SLC35F4: variants seen among roughly 807,000 people sequenced by gnomAD.
SLC35F4 encodes the protein solute carrier family 35 member F4.
SLC35F4 carries 24 observed loss-of-function variants against 44.2 expected under a neutral mutation model. The ratio of observed to expected loss-of-function variants is 0.54; its 90% CI spans 0.39 to 0.76. SLC35F4 has a LOEUF of 0.76. Among genes scored for constraint, SLC35F4 ranks in the 30% least tolerant of loss-of-function variants. The probability of loss-of-function intolerance (pLI) is 0.00; values close to 1 mark genes in which losing one functional copy is unlikely to be tolerated. For synonymous variants in SLC35F4, 238 were observed against 223.6 expected, an observed-to-expected ratio of 1.06 and a Z score of -0.57; for missense variants, 562 against 586.1, an observed-to-expected ratio of 0.96 and a Z score of 0.42.
intron 2 of SLC35F4, among the ~76,000 whole-genome samples, chr14:57,593,031 G>C (rs1169374687): frequency 6.6e-6 from 1 of 152,166 alleles, no homozygotes; most frequent in Non-Finnish European, 1.5e-5. Context: ...CAGGTAGGGG[G>C]CTAAAATTGG....
Position 57,835,508 on chromosome 14 carries a change from C to T in SLC35F4, c.103+30215G>A, listed in dbSNP as rs149805847. ...ACTGATTTGCTTTTCACATCCTCTC[C>T]CTTCTTTTGCTCTTTCTCATTGTCA... is the stretch of plus-strand genomic sequence containing the variant. On this transcript the variant is annotated intron_variant, in intron 1 of 7. Coordinates refer to ENST00000556826, the MANE Select transcript of SLC35F4 (RefSeq NM_001306087.2). 7.0e-3 allele frequency among the ~76,000 whole-genome samples: 1,059 copies of T among 152,282 alleles called. 10 individuals carry two copies. The highest frequency in any genetic ancestry group is 0.023 in the African/African-American group (975 of 41,556).
intron 1 of SLC35F4, among the ~76,000 whole-genome samples, chr14:57,849,248 G>A (rs1167487742): frequency 1.3e-5 from 2 of 152,266 alleles, no homozygotes; most frequent in Middle Eastern, 3.4e-3. Context: ...TGCAACCTCC[G>A]CCTCCTGGGT....
chr14:57,713,481 AG>A, intron 1 of SLC35F4, among the ~76,000 whole-genome samples: 1 of 152,284 alleles, frequency 6.6e-6, no homozygotes, highest in East Asian at 1.9e-4. Context: ...ACACTATGCT[AG>A]TTCACACCTT....
chr14:57,832,930 C>A (rs191707259), intron 1 of SLC35F4, among the ~76,000 whole-genome samples: 2 of 152,184 alleles, frequency 1.3e-5, no homozygotes, highest in African/African-American at 4.8e-5. Flanking sequence ...CTAGCCAACA[C>A]GACCCAGGGT....
At chr14:57,901,749 C>G (rs1595278099) in intron 1 of SLC35F4, among the ~76,000 whole-genome samples, 1 of 152,114 alleles carries the variant, frequency 6.6e-6, no homozygotes. Flanking sequence ...GTAGAGTGCT[C>G]CAATGTTAGA....
intron 1 of SLC35F4, among the ~76,000 whole-genome samples, chr14:57,665,954 G>A (rs1196993416): frequency 6.6e-6 from 1 of 152,096 alleles, no homozygotes; most frequent in Non-Finnish European, 1.5e-5. Context: ...CATAGAGGGG[G>A]AACAACACAC....
At chr14:57,689,894 AAAAAT>A (rs1326362216) in intron 1 of SLC35F4, among the ~76,000 whole-genome samples, 1 of 152,142 alleles carries the variant, frequency 6.6e-6, no homozygotes, top group African/African-American at 2.4e-5. Context: ...AATAAAAAAT[AAAAAT>A]AAAAAAAAAT....
chr14:57,696,562 C>A (rs530011296), intron 1 of SLC35F4, among the ~76,000 whole-genome samples: 6 of 152,350 alleles, frequency 3.9e-5, no homozygotes, highest in African/African-American at 1.4e-4. Flanking sequence ...AAGCCCATTA[C>A]TGGGCATATA....
chr14:57,788,259 T>A (rs2077819347), intron 1 of SLC35F4, among the ~76,000 whole-genome samples: 1 of 151,978 alleles, frequency 6.6e-6, no homozygotes, highest in African/African-American at 2.4e-5. Context: ...AGCTCCCAAA[T>A]TTATAAAACA....
chr14:57,913,727 T>C (rs919044994), intron 1 of SLC35F4, among the ~76,000 whole-genome samples: 1 of 152,214 alleles, frequency 6.6e-6, no homozygotes, highest in Non-Finnish European at 1.5e-5. Context: ...AATTTGGAAT[T>C]GTTTAAATGC....
chr14:57,842,175 T>C (rs1010371272), intron 1 of SLC35F4, among the ~76,000 whole-genome samples: 6 of 152,220 alleles, frequency 3.9e-5, no homozygotes, highest in Non-Finnish European at 7.3e-5. Context: ...TGATGGTTCA[T>C]CTAGGCTATT....
intron 1 of SLC35F4, among the ~76,000 whole-genome samples, chr14:57,595,316 C>T (rs1045164842): frequency 1.3e-5 from 2 of 152,210 alleles, no homozygotes; most frequent in African/African-American, 4.8e-5. Flanking sequence ...AAGAATCCTT[C>T]TCATCATATA....
intron 1 of SLC35F4, among the ~76,000 whole-genome samples, chr14:57,750,108 T>C (rs772741297): frequency 1.2e-4 from 18 of 151,812 alleles, no homozygotes; most frequent in Non-Finnish European, 2.4e-4. Context: ...TACACATTTT[T>C]AGCACCCACT....
intron 1 of SLC35F4, among the ~76,000 whole-genome samples, chr14:57,805,655 G>A (rs1159121691): frequency 6.6e-6 from 1 of 152,054 alleles, no homozygotes; most frequent in Non-Finnish European, 1.5e-5. Flanking sequence ...GCATCAGGAA[G>A]AACAGCTAAT....
chr14:57,755,694 T>C (rs1594970880), intron 1 of SLC35F4, among the ~76,000 whole-genome samples: 1 of 151,814 alleles, frequency 6.6e-6, no homozygotes, highest in South Asian at 2.1e-4. Flanking sequence ...TTCCAAATTC[T>C]CTCTTACCAA....
intron 1 of SLC35F4, among the ~76,000 whole-genome samples, chr14:57,758,305 G>A (rs1766780652): frequency 6.6e-6 from 1 of 151,830 alleles, no homozygotes; most frequent in African/African-American, 2.4e-5. Context: ...CCATATATAT[G>A]CCTTTTGAAA....
intron 1 of SLC35F4, among the ~76,000 whole-genome samples, chr14:57,814,454 A>C (rs1303607910): frequency 1.3e-5 from 2 of 152,236 alleles, no homozygotes; most frequent in Non-Finnish European, 2.9e-5. Flanking sequence ...CTCTTAACAT[A>C]AAGCAGTCTT....
intron 1 of SLC35F4, among the ~76,000 whole-genome samples, chr14:57,955,626 A>G (rs1890222128): frequency 6.6e-6 from 1 of 152,252 alleles, no homozygotes; most frequent in African/African-American, 2.4e-5. Flanking sequence ...AAAAATCACA[A>G]GCATTCCTAT....
chr14:57,650,271 A>T (rs535667514), intron 1 of SLC35F4, among the ~76,000 whole-genome samples: 1 of 152,070 alleles, frequency 6.6e-6, no homozygotes, highest in Non-Finnish European at 1.5e-5. Context: ...AATATCTCAC[A>T]TCCAGCTTTC....
Sources: gnomAD v4.1 joint callset for allele counts (sites outside exome capture counted in the v4.1 genomes callset) on GRCh38, gnomAD v4.1.1 for gene constraint, MANE v1.5 for transcripts, NCBI Gene and HGNC (gene_info 2026-07-23, HGNC 2026-07-21) for gene names.